Variants in ROCK1 observed in about 807,000 individuals in gnomAD.
ROCK1 encodes Rho associated coiled-coil containing protein kinase 1, also known as rho-associated protein kinase 1.
In ROCK1, 36 loss-of-function variants were observed where a neutral mutation model predicts 196.8. That is an observed-to-expected ratio of 0.18 (90% confidence interval 0.14 to 0.24). ROCK1 has a LOEUF of 0.24. Among genes scored for constraint, ROCK1 ranks in the 10% least tolerant of loss-of-function variants. The pLI, the probability that ROCK1 is intolerant of heterozygous loss-of-function variation, is 1.00. For synonymous variants in ROCK1, 443 were observed against 515.9 expected, an observed-to-expected ratio of 0.86 and a Z score of 1.91; for missense variants, 920 against 1,562.0, an observed-to-expected ratio of 0.59 and a Z score of 6.93.
intron 9 of ROCK1, among the ~76,000 whole-genome samples, chr18:21,038,974 T>C (rs1219111409): frequency 6.6e-6 from 1 of 152,196 alleles, no homozygotes; most frequent in East Asian, 1.9e-4. Context: ...TGTTTCTGAA[T>C]TGCCAGCTGC....
At chr18:20,956,432 T>G (rs529863003) in intron 29 of ROCK1, among the ~76,000 whole-genome samples, 3,174 of 149,200 alleles carry the variant, frequency 0.021, 107 homozygotes, top group African/African-American at 0.074. Flanking sequence ...TCAATCCATG[T>G]TTGGATGAAT....
chr18:21,023,520 A>T (rs1276911545), intron 11 of ROCK1, 100 bp downstream of exon 11: 1 of 565,532 alleles, frequency 1.8e-6, no homozygotes, highest in Admixed American at 4.0e-5. Flanking sequence ...AGCTAACCAC[A>T]GCTTCACAAA....
chr18:21,101,265 T>C (rs529302781), intron 1 of ROCK1, among the ~76,000 whole-genome samples: 5 of 152,242 alleles, frequency 3.3e-5, no homozygotes, highest in South Asian at 4.1e-4. Context: ...ATAACAGGGA[T>C]TCAGTTAAAG....
At chr18:21,047,728 A>G (rs1200188927) in intron 4 of ROCK1, among the ~76,000 whole-genome samples, 2 of 151,470 alleles carry the variant, frequency 1.3e-5, no homozygotes, top group African/African-American at 2.4e-5. Context: ...CAGGGGGCAG[A>G]GCTTGCTTGC....
In ROCK1 at chr18:21,045,336, T is replaced by C. The variant is rs1395182402; in HGVS notation, c.546A>G (p.Val182=). 1 of 1,612,178 alleles carries C rather than the reference T, an allele frequency of 6.2e-7. No homozygotes were observed. The highest frequency in any genetic ancestry group is 8.5e-7 in the Non-Finnish European group (1 of 1,179,442). ...EKWARFYTAE[V]VLALDAIHSM... is the part of the protein sequence containing the mutation. ...AATGGATTGCATCCAATGCAAGAAC[T>C]ACTTCTGCAGTATAGAATCGTGCCC... The change falls in exon 5 of 33, where the codon GTA becomes GTG. Residue 182 remains valine, a synonymous_variant. Transcript: ENST00000399799.
At chr18:21,050,798 T>C (rs1239571762) in intron 2 of ROCK1, among the ~76,000 whole-genome samples, 2 of 152,214 alleles carry the variant, frequency 1.3e-5, no homozygotes, top group African/African-American at 4.8e-5. Context: ...CCTTTAATTT[T>C]AGGTTACATA....
chr18:21,050,050 T>C (rs2036191589), intron 2 of ROCK1, among the ~76,000 whole-genome samples, 170 bp from the exon 3 acceptor site: 1 of 152,200 alleles, frequency 6.6e-6, no homozygotes, highest in Non-Finnish European at 1.5e-5. Context: ...ATGTTCAATT[T>C]GCTAAGATTT....
In ROCK1 at chr18:21,098,405, A is replaced by G. The variant is rs191791864; in HGVS notation, c.93+12413T>C. 4.2e-4 allele frequency among the ~76,000 whole-genome samples: 64 copies of G among 152,312 alleles called. 1 individual carries two copies. The highest frequency in any genetic ancestry group is 1.8e-3 in the Admixed American group (28 of 15,294). On this transcript the variant is annotated intron_variant, in intron 1 of 32. Transcript: ENST00000399799. ...AAAGATAAAATTGGATGTATCTCAA[A>G]ATTTACCATACATGATAAATTCCGA... is the stretch of plus-strand genomic sequence containing the variant.
intron 29 of ROCK1, among the ~76,000 whole-genome samples, chr18:20,959,012 T>C (rs1489027367): frequency 1.4e-5 from 1 of 73,432 alleles, no homozygotes; most frequent in Non-Finnish European, 2.3e-5. Context: ...ATATTTTATA[T>C]AATATATATA....
rs2035141217 is a variant in ROCK1 at position 20,947,591 on chromosome 18, T to TA, written c.*3792dup. 1 of 151,994 alleles carries TA rather than the reference T, an allele frequency of 6.6e-6. No homozygotes were observed. Among genetic ancestry groups the TA allele is most frequent in the African/African-American group, 2.4e-5 (1 of 41,382 alleles). 9.4% of individuals were successfully genotyped at this position (151,994 alleles called of 1,614,324 possible). Reference sequence around the variant, plus strand: ...GTGGCCTACACCTGTAATGAGAGAGTAAAACTGCTTGAGGCTAGGAGTTAG... The same window carrying TA: ...GTGGCCTACACCTGTAATGAGAGAGTAAAAACTGCTTGAGGCTAGGAGTTAG... On this transcript the variant is annotated 3_prime_UTR_variant, in exon 33 of 33. Coordinates refer to ENST00000399799, the MANE Select transcript of ROCK1 (RefSeq NM_005406.3).
chr18:20,951,481 T>C (rs2035187306), intron 32 of ROCK1, 94 bp from the exon 33 acceptor site: 12 of 946,220 alleles, frequency 1.3e-5, no homozygotes, highest in African/African-American at 1.7e-5. Context: ...ATATACATTA[T>C]CTTTACATAA....
At chr18:21,001,288 G>A (rs530924734) in intron 16 of ROCK1, among the ~76,000 whole-genome samples, 1 of 152,276 alleles carries the variant, frequency 6.6e-6, no homozygotes, top group South Asian at 2.1e-4. Context: ...AGAATAGGGA[G>A]GGGCAGCTTA....
chr18:21,038,414 C>T (rs920568169), intron 9 of ROCK1, among the ~76,000 whole-genome samples: 1 of 152,106 alleles, frequency 6.6e-6, no homozygotes, highest in Non-Finnish European at 1.5e-5. Flanking sequence ...TCCCTTTCTC[C>T]TCCTTAGACA....
chr18:21,006,241 T>A (rs2035767631), intron 16 of ROCK1, 110 bp downstream of exon 16: 2 of 812,440 alleles, frequency 2.5e-6, no homozygotes, highest in Non-Finnish European at 1.9e-6. Flanking sequence ...GATGGTTGCA[T>A]ACATTGTGAA....
At chr18:21,002,174 T>C (rs137972361) in intron 16 of ROCK1, among the ~76,000 whole-genome samples, 101 of 152,246 alleles carry the variant, frequency 6.6e-4, no homozygotes, top group African/African-American at 2.4e-3. Flanking sequence ...TGAGCACCCA[T>C]AGAATTCAGG....
intron 29 of ROCK1, among the ~76,000 whole-genome samples, chr18:20,956,095 C>T (rs1035712342): frequency 9.2e-5 from 14 of 151,462 alleles, no homozygotes; most frequent in Admixed American, 3.3e-4. Flanking sequence ...CTTTATTTGG[C>T]GATGACATGA....
At chr18:21,041,109 A>T (rs1442882670) in intron 8 of ROCK1, among the ~76,000 whole-genome samples, 4 of 151,554 alleles carry the variant, frequency 2.6e-5, no homozygotes, top group Non-Finnish European at 4.4e-5. Flanking sequence ...CAACAGAGTG[A>T]GACTCTGTCT....
At position 20,965,339 on chromosome 18, in the gene ROCK1, A is replaced by C. The variant is rs189524873; in HGVS notation, c.3352+1578T>G. On this transcript the variant is annotated intron_variant, in intron 27 of 32. Transcript: ENST00000399799. Reference sequence around the variant, plus strand: ...CCAGGAGGCAGGATCATGAACCAAGATCACGCCACTGCACTCTAGCCTGGG... The same window carrying C: ...CCAGGAGGCAGGATCATGAACCAAGCTCACGCCACTGCACTCTAGCCTGGG... 7.1e-4 allele frequency among the ~76,000 whole-genome samples: 108 copies of C among 152,246 alleles called. No individual in the cohort carries two copies. The Middle Eastern group carries it at 0.01, about 14-fold the overall frequency.
intron 2 of ROCK1, among the ~76,000 whole-genome samples, chr18:21,053,134 C>G (rs949680788): frequency 6.6e-6 from 1 of 152,190 alleles, no homozygotes; most frequent in Non-Finnish European, 1.5e-5. Flanking sequence ...AGCAGCTATT[C>G]TTGCCCAAAG....
Sources: allele counts gnomAD v4.1 joint callset (sites outside exome capture counted in the v4.1 genomes callset), GRCh38; gene constraint gnomAD v4.1.1; transcripts MANE v1.5; gene names NCBI Gene and HGNC (gene_info 2026-07-23, HGNC 2026-07-21).